Variants in CRPPA observed in about 807,000 individuals in gnomAD.
The protein encoded by CRPPA is CDP-L-ribitol pyrophosphorylase A.
CRPPA carries 43 observed loss-of-function variants against 52.0 expected under a neutral mutation model. That is an observed-to-expected ratio of 0.83 (90% CI 0.65 to 1.07). CRPPA has a LOEUF of 1.07. Ranked by LOEUF, CRPPA falls within the 50% of genes least tolerant of loss-of-function variation. The pLI is 0.00. For missense variants in CRPPA, 629 were observed against 551.7 expected, an observed-to-expected ratio of 1.14 and a Z score of -1.40; for synonymous variants, 250 against 203.5, an observed-to-expected ratio of 1.23 and a Z score of -1.94.
intron 3 of CRPPA, among the ~76,000 whole-genome samples, chr7:16,312,566 C>G (rs1440907423): frequency 1.3e-5 from 2 of 151,790 alleles, no homozygotes; most frequent in Non-Finnish European, 2.9e-5. Context: ...TTCTTCCTTC[C>G]CAATCACAAT....
At chr7:16,403,572 G>C (rs1404491478) in intron 2 of CRPPA, among the ~76,000 whole-genome samples, 2 of 152,050 alleles carry the variant, frequency 1.3e-5, no homozygotes, top group Admixed American at 1.3e-4. Flanking sequence ...CAGTTAAGGA[G>C]TCTGTAGAAA....
chr7:16,133,679 T>C (rs976422231), intron 9 of CRPPA, among the ~76,000 whole-genome samples: 1 of 124,088 alleles, frequency 8.1e-6, no homozygotes, highest in African/African-American at 2.6e-5. Flanking sequence ...CATAACACCA[T>C]GGGAGCCATA....
At chr7:16,370,506 C>A (rs949086517) in intron 3 of CRPPA, among the ~76,000 whole-genome samples, 3 of 152,040 alleles carry the variant, frequency 2.0e-5, no homozygotes, top group Non-Finnish European at 2.9e-5. Context: ...GTGGCTAGAC[C>A]CAGAAGAGCA....
At chr7:16,291,900 T>C (rs369494757) in intron 5 of CRPPA, among the ~76,000 whole-genome samples, 25 of 152,020 alleles carry the variant, frequency 1.6e-4, no homozygotes, top group African/African-American at 5.8e-4. Flanking sequence ...ACATGCATTA[T>C]TTTCTCCTTA....
chr7:16,248,159 A>AC (rs1279577548), intron 8 of CRPPA: 1 of 152,008 alleles, frequency 6.6e-6, no homozygotes. Context: ...ACAAAGTGAG[A>AC]CCCCATCTCT....
intron 2 of CRPPA, among the ~76,000 whole-genome samples, chr7:16,391,629 A>G (rs1193163262): frequency 6.6e-6 from 1 of 152,204 alleles, no homozygotes; most frequent in Non-Finnish European, 1.5e-5. Flanking sequence ...CACTAGGAGC[A>G]TTTTAAGTAC....
At chr7:16,395,613 T>C (rs932455982) in intron 2 of CRPPA, among the ~76,000 whole-genome samples, 1 of 152,194 alleles carries the variant, frequency 6.6e-6, no homozygotes, top group Non-Finnish European at 1.5e-5. Context: ...AGAGATATCT[T>C]AGAAAAATCT....
intron 9 of CRPPA, among the ~76,000 whole-genome samples, chr7:16,182,476 T>A (rs879852753): frequency 3.9e-5 from 6 of 152,132 alleles, no homozygotes; most frequent in Non-Finnish European, 5.9e-5. Flanking sequence ...GGTCCATTGT[T>A]ACAAAGGTGC....
chr7:16,392,520 T>C (rs916460728), intron 2 of CRPPA, among the ~76,000 whole-genome samples: 1 of 152,200 alleles, frequency 6.6e-6, no homozygotes, highest in Non-Finnish European at 1.5e-5. Context: ...ATACGCAAAA[T>C]GCAATCCTTG....
intron 2 of CRPPA, among the ~76,000 whole-genome samples, chr7:16,386,794 G>A (rs192875130): frequency 3.0e-4 from 45 of 152,000 alleles, no homozygotes; most frequent in Middle Eastern, 3.4e-3. Flanking sequence ...GGAGAAGCAG[G>A]CAAATCACTT....
At chr7:16,327,809 G>A (rs1785452506) in intron 3 of CRPPA, among the ~76,000 whole-genome samples, 1 of 151,980 alleles carries the variant, frequency 6.6e-6, no homozygotes, top group Non-Finnish European at 1.5e-5. Flanking sequence ...GGAGCTCCTT[G>A]CTTTAGTAAT....
chr7:16,227,486 G>T (rs1309107036), intron 8 of CRPPA, among the ~76,000 whole-genome samples: 1 of 151,800 alleles, frequency 6.6e-6, no homozygotes, highest in Non-Finnish European at 1.5e-5. Flanking sequence ...CTGATGATTA[G>T]TGATATTATT....
rs115603094 is a variant in CRPPA at position 16,376,500 on chromosome 7, G to T, written c.535-259C>A. ...AAAATCCTTCTGATCACAGGCCATTGAAGTCAACACTAAAAAAAAAGATGC... is the reference window on the plus strand; with the variant it reads ...AAAATCCTTCTGATCACAGGCCATTTAAGTCAACACTAAAAAAAAAGATGC... On this transcript the variant is annotated intron_variant, in intron 2 of 9. Transcript: ENST00000407010. Among the ~76,000 whole-genome samples the T allele has an allele frequency of 1.3e-3, 196 of 152,086 alleles. 3 individuals carry two copies. Among genetic ancestry groups the T allele is most frequent in the African/African-American group, 4.5e-3 (188 of 41,452 alleles).
At chr7:16,148,464 T>C (rs1466858094) in intron 9 of CRPPA, among the ~76,000 whole-genome samples, 1 of 152,212 alleles carries the variant, frequency 6.6e-6, no homozygotes, top group Middle Eastern at 3.4e-3. Flanking sequence ...TTAAAAAACA[T>C]TGAAATCCTG....
chr7:16,163,958 T>C (rs1038177512), intron 9 of CRPPA, among the ~76,000 whole-genome samples: 4 of 152,200 alleles, frequency 2.6e-5, no homozygotes, highest in African/African-American at 9.6e-5. Flanking sequence ...TTTCTTCATT[T>C]CAACCTTGAT....
chr7:16,222,217 T>C (rs1378518312), intron 8 of CRPPA, among the ~76,000 whole-genome samples: 1 of 148,698 alleles, frequency 6.7e-6, no homozygotes, highest in Non-Finnish European at 1.5e-5. Flanking sequence ...AACCGCATAT[T>C]CTCACTCATA....
chr7:16,235,216 A>G (rs1782915532), intron 8 of CRPPA, among the ~76,000 whole-genome samples: 1 of 152,104 alleles, frequency 6.6e-6, no homozygotes, highest in African/African-American at 2.4e-5. Flanking sequence ...TCAGAGAAGG[A>G]AAAAGACTTT....
At chr7:16,107,657 T>C (rs1211790614) in intron 9 of CRPPA, among the ~76,000 whole-genome samples, 4 of 151,964 alleles carry the variant, frequency 2.6e-5, no homozygotes, top group Admixed American at 2.0e-4. Context: ...TAATTAATAA[T>C]ATGAACTATA....
chr7:16,172,903 T>G (rs1004606634), intron 9 of CRPPA, among the ~76,000 whole-genome samples: 1 of 152,242 alleles, frequency 6.6e-6, no homozygotes, highest in Non-Finnish European at 1.5e-5. Flanking sequence ...TCTTCTTACA[T>G]ATTAAAATCC....
Sources: gnomAD v4.1 joint callset for allele counts (sites outside exome capture counted in the v4.1 genomes callset) on GRCh38, gnomAD v4.1.1 for gene constraint, MANE v1.5 for transcripts, NCBI Gene and HGNC (gene_info 2026-07-23, HGNC 2026-07-21) for gene names.